The following OLAH variants were observed in gnomAD, a reference collection of about 807,000 sequenced individuals.
The protein encoded by OLAH is oleoyl-ACP hydrolase.
A neutral mutation model predicts 27.8 loss-of-function variants in OLAH; 33 were observed. That is an observed-to-expected ratio of 1.19 (90% CI 0.90 to 1.59). The LOEUF (loss-of-function observed/expected upper bound fraction) is 1.59, where lower values mean the gene tolerates loss of function less well. OLAH is among the 40% of genes most tolerant of loss of function. OLAH has a pLI of 0.00. For synonymous variants in OLAH, 120 were observed against 102.9 expected (o/e 1.17, Z -1.01); for missense variants, 359 against 310.8 (o/e 1.16, Z -1.17).
At chr10:15,057,481 G>C (rs918686742) in intron 3 of OLAH, among the ~76,000 whole-genome samples, 1 of 149,616 alleles carries the variant, frequency 6.7e-6, no homozygotes, top group Non-Finnish European at 1.5e-5. Context: ...TGCCTCCTGG[G>C]TTCAAGCGAT....
intron 3 of OLAH, among the ~76,000 whole-genome samples, chr10:15,061,253 CT>C (rs923986591): frequency 1.3e-5 from 2 of 152,038 alleles, no homozygotes; most frequent in African/African-American, 4.8e-5. Flanking sequence ...AGAATAAATA[CT>C]TTATTTGTAG....
intron 2 of OLAH, among the ~76,000 whole-genome samples, chr10:15,048,794 G>A (rs894634897): frequency 1.3e-5 from 2 of 152,062 alleles, no homozygotes; most frequent in Admixed American, 6.6e-5. Context: ...ATCCCTGAAA[G>A]TTTATTTAAT....
chr10:15,041,963 C>T (rs1439092310), upstream of OLAH, among the ~76,000 whole-genome samples: 1 of 151,792 alleles, frequency 6.6e-6, no homozygotes, highest in Admixed American at 6.6e-5. Flanking sequence ...GCATCTCCAT[C>T]TAACTTTTCT....
At position 15,073,527 on chromosome 10, in the gene OLAH, G is replaced by GCA. The variant is rs1844635683; in HGVS notation, c.*298_*299insCA. 4.4e-6 allele frequency: 1 copy of GCA among 225,124 alleles called. No homozygotes were observed. The allele number at this position is 225,124 out of a possible 1,614,324, so 13.9% of individuals were successfully genotyped here. On this transcript the variant is annotated 3_prime_UTR_variant, in exon 8 of 8. Transcript: ENST00000378228. Reference sequence around the variant, plus strand: ...TACACAAAATTAGCCGGGCGTGGTGGTGGGCACCTGTAGTCCCAGCTACTC... The same window carrying GCA: ...TACACAAAATTAGCCGGGCGTGGTGGCATGGGCACCTGTAGTCCCAGCTACTC...
chr10:15,061,931 T>C (rs749673536), intron 4 of OLAH, 69 bp downstream of exon 4: 2 of 1,485,986 alleles, frequency 1.3e-6, no homozygotes, highest in South Asian at 2.5e-5. Context: ...TTAATGTTAT[T>C]CTTTGTGTTT....
Position 15,065,905 on chromosome 10 carries a change from G to A in OLAH, c.572+152G>A, listed in dbSNP as rs1285285225. 7.9e-6 allele frequency: 5 copies of A among 636,364 alleles called. No homozygotes were observed. The East Asian group carries it at 1.1e-4, about 14-fold the overall frequency. 39.4% of individuals were successfully genotyped at this position (636,364 alleles called of 1,614,324 possible). A position where few individuals can be genotyped will look rare whatever the true frequency, so the allele number is the denominator to read the frequency against. On this transcript the variant is annotated intron_variant, in intron 6 of 7. Coordinates refer to ENST00000378228, the MANE Select transcript of OLAH (RefSeq NM_001039702.3). ...TGGGGCCACCTATGGTATGTATACT[G>A]GTTTAGAATGGAGCCTAGGCACAGA... is the stretch of plus-strand genomic sequence containing the variant.
chr10:15,064,615 T>C (rs955547296), intron 5 of OLAH, 113 bp downstream of exon 5: 4 of 616,828 alleles, frequency 6.5e-6, no homozygotes, highest in Non-Finnish European at 1.1e-5. Flanking sequence ...ATGATGATGG[T>C]GGGGATACTA....
intron 6 of OLAH, 52 bp downstream of exon 6, chr10:15,065,805 A>G: frequency 6.6e-7 from 1 of 1,520,458 alleles, no homozygotes; most frequent in Non-Finnish European, 8.9e-7. Context: ...TATTTGTAGA[A>G]AAACATAGAT....
intron 1 of OLAH, among the ~76,000 whole-genome samples, chr10:15,035,741 G>A (rs12218447): frequency 0.45 from 69,025 of 151,970 alleles, 16,125 homozygotes; most frequent in East Asian, 0.7. Context: ...GGACGCCATG[G>A]GGAAGCACAG....
At chr10:15,062,009 A>G in intron 4 of OLAH, 147 bp downstream of exon 4, 2 of 727,266 alleles carry the variant, frequency 2.8e-6, no homozygotes, top group Non-Finnish European at 2.1e-6. Context: ...CAACTTTTAC[A>G]ATTCACCAGT....
intron 2 of OLAH, 42 bp downstream of exon 2, chr10:15,047,362 G>C: frequency 6.3e-7 from 1 of 1,599,996 alleles, no homozygotes; most frequent in Non-Finnish European, 8.5e-7. Flanking sequence ...CTCCATCCCA[G>C]GGGCTCCGAT....
At chr10:15,041,623 T>A (rs181079184), upstream of OLAH, among the ~76,000 whole-genome samples, 175 of 152,072 alleles carry the variant, frequency 1.2e-3, 2 homozygotes, top group African/African-American at 3.6e-3. Flanking sequence ...TTGCCCAGGC[T>A]GGAGTGCAGT....
intron 1 of OLAH, among the ~76,000 whole-genome samples, chr10:15,046,653 G>C (rs946533903): frequency 1.3e-5 from 2 of 152,016 alleles, no homozygotes; most frequent in Admixed American, 6.6e-5. Context: ...TTTTAGTAGA[G>C]ATGGGGGTTT....
At chr10:15,032,601 ACAGAGTGAGACT>A (rs1843775516) in intron 1 of OLAH, among the ~76,000 whole-genome samples, 1 of 148,660 alleles carries the variant, frequency 6.7e-6, no homozygotes, top group Non-Finnish European at 1.5e-5. Context: ...AGCCTGGGCG[ACAGAGTGAGACT>A]CAGTTTCAAA....
At chr10:15,034,124 T>TTG (rs1465371403) in intron 1 of OLAH, among the ~76,000 whole-genome samples, 1 of 149,834 alleles carries the variant, frequency 6.7e-6, no homozygotes, top group Admixed American at 6.6e-5. Context: ...TCTTTTTTTT[T>TTG]TTTTTTTGAG....
chr10:15,039,064 G>C (rs113474998), upstream of OLAH, among the ~76,000 whole-genome samples: 1,213 of 151,272 alleles, frequency 8.0e-3, 16 homozygotes, highest in African/African-American at 0.028. Context: ...TCTCCAAAAA[G>C]AAATTTTTAG....
At chr10:15,062,821 C>A (rs1416274201) in intron 4 of OLAH, among the ~76,000 whole-genome samples, 2 of 151,806 alleles carry the variant, frequency 1.3e-5, no homozygotes, top group Non-Finnish European at 2.9e-5. Flanking sequence ...TCATTGCAAC[C>A]TACACCTCAT....
chr10:15,034,200 G>A (rs898303658), intron 1 of OLAH, among the ~76,000 whole-genome samples: 6 of 145,898 alleles, frequency 4.1e-5, no homozygotes, highest in African/African-American at 1.0e-4. Flanking sequence ...TGCAACCTCC[G>A]CCTCCCAGGT....
chr10:15,033,745 G>A (rs1843794632), intron 1 of OLAH, among the ~76,000 whole-genome samples: 1 of 152,144 alleles, frequency 6.6e-6, no homozygotes, highest in South Asian at 2.1e-4. Context: ...TGTCTTCATA[G>A]GGTGGAAGAG....
Sources: gnomAD v4.1 joint callset for allele counts (sites outside exome capture counted in the v4.1 genomes callset) on GRCh38, gnomAD v4.1.1 for gene constraint, MANE v1.5 for transcripts, NCBI Gene and HGNC (gene_info 2026-07-23, HGNC 2026-07-21) for gene names.